Variants in GARRE1 observed in about 807,000 individuals in gnomAD.
GARRE1 encodes the protein granule associated Rac and RHOG effector protein 1.
In GARRE1, 49 loss-of-function variants were observed where a neutral mutation model predicts 103.2. That is an observed-to-expected ratio of 0.47 (90% CI 0.38 to 0.60). The LOEUF (loss-of-function observed/expected upper bound fraction) is 0.60, where lower values mean the gene tolerates loss of function less well. Among genes scored for constraint, GARRE1 ranks in the 20% least tolerant of loss-of-function variants. GARRE1 has a pLI of 0.00. For synonymous variants in GARRE1, 505 were observed against 532.8 expected (o/e 0.95, Z 0.72); for missense variants, 1,199 against 1,370.5 (o/e 0.87, Z 1.98).
At chr19:34,320,245 T>C in intron 3 of GARRE1, 129 bp downstream of exon 3, 1 of 803,500 alleles carries the variant, frequency 1.2e-6, no homozygotes, top group East Asian at 2.7e-5. Context: ...ATCATTGGCT[T>C]GTTCATTCAT....
chr19:34,282,152 T>G (rs1286432335), intron 1 of GARRE1, among the ~76,000 whole-genome samples: 1 of 151,506 alleles, frequency 6.6e-6, no homozygotes, highest in African/African-American at 2.4e-5. Context: ...TTGCTTTTGG[T>G]TTTTTTTTCT....
At chr19:34,346,626 CT>C (rs1360511045) in intron 10 of GARRE1, among the ~76,000 whole-genome samples, 2 of 152,030 alleles carry the variant, frequency 1.3e-5, no homozygotes, top group African/African-American at 4.8e-5. Flanking sequence ...AGACAATGGA[CT>C]TTTTTTGAGT....
chr19:34,304,669 C>T (rs867062563), intron 2 of GARRE1, among the ~76,000 whole-genome samples: 6 of 152,088 alleles, frequency 3.9e-5, no homozygotes, highest in African/African-American at 7.2e-5. Context: ...TTAGCCACCA[C>T]GCCCAGCCAT....
At chr19:34,349,954 G>A (rs1378675689) in intron 12 of GARRE1, among the ~76,000 whole-genome samples, 1 of 152,202 alleles carries the variant, frequency 6.6e-6, no homozygotes, top group East Asian at 1.9e-4. Context: ...AGCTACTCGG[G>A]AGGCTGAGGT....
At chr19:34,255,578 TTACAG>T (rs1342822661) in intron 1 of GARRE1, among the ~76,000 whole-genome samples, 2 of 152,172 alleles carry the variant, frequency 1.3e-5, no homozygotes, top group Non-Finnish European at 2.9e-5. Context: ...TTTATGGACT[TTACAG>T]TATGTGATTT....
intron 1 of GARRE1, among the ~76,000 whole-genome samples, chr19:34,284,127 C>CTT (rs10608784): frequency 1.3e-3 from 92 of 73,406 alleles, no homozygotes; most frequent in East Asian, 3.4e-3. Context: ...GCCCGGCTTT[C>CTT]TTTTTTTTTT....
At chr19:34,279,841 C>T (rs1013420243) in intron 1 of GARRE1, among the ~76,000 whole-genome samples, 13 of 151,246 alleles carry the variant, frequency 8.6e-5, no homozygotes, top group African/African-American at 1.9e-4. Context: ...AAAAATTAGC[C>T]GGGCGTAGTG....
chr19:34,257,507 A>T (rs201111252), intron 1 of GARRE1, among the ~76,000 whole-genome samples: 4 of 151,406 alleles, frequency 2.6e-5, no homozygotes, highest in Admixed American at 6.6e-5. Flanking sequence ...CTGGCTAATC[A>T]CTCTTTTTTC....
intron 3 of GARRE1, among the ~76,000 whole-genome samples, chr19:34,327,084 G>A (rs968100114): frequency 6.6e-6 from 1 of 151,982 alleles, no homozygotes; most frequent in African/African-American, 2.4e-5. Flanking sequence ...GAACTCGGGA[G>A]GCGGAGGTTG....
intron 1 of GARRE1, among the ~76,000 whole-genome samples, chr19:34,260,716 A>G (rs750899076): frequency 1.5e-4 from 23 of 152,382 alleles, no homozygotes; most frequent in Middle Eastern, 3.4e-3. Context: ...TGTCATACAC[A>G]TTAGCTATCT....
intron 2 of GARRE1, among the ~76,000 whole-genome samples, chr19:34,319,160 T>A (rs1295488199): frequency 6.6e-6 from 1 of 152,214 alleles, no homozygotes; most frequent in Non-Finnish European, 1.5e-5. Flanking sequence ...CAATCATATC[T>A]GAAAATGTTT....
At position 34,302,816 on chromosome 19, in the gene GARRE1, C is replaced by T. The variant is rs187476870; in HGVS notation, c.495+1848C>T. On this transcript the variant is annotated intron_variant, in intron 2 of 13. Transcript: ENST00000299505. Reference sequence around the variant, plus strand: ...CTGAAGTGCAGTGGCACTATCTCGGCTCACTGCAACCTCTGCCTCCTGGGT... The same window carrying T: ...CTGAAGTGCAGTGGCACTATCTCGGTTCACTGCAACCTCTGCCTCCTGGGT... Among the ~76,000 whole-genome samples, 123 of 149,678 alleles carry T rather than the reference C, an allele frequency of 8.2e-4. 1 individual carries two copies. In the South Asian group the frequency reaches 0.012, roughly 15 times the overall value.
intron 1 of GARRE1, among the ~76,000 whole-genome samples, chr19:34,283,466 T>C (rs1485245850): frequency 6.6e-6 from 1 of 152,210 alleles, no homozygotes; most frequent in Admixed American, 6.6e-5. Context: ...GGAATGATAA[T>C]ATCATCATCA....
At chr19:34,293,744 A>ACACACG (rs71165642) in intron 1 of GARRE1, among the ~76,000 whole-genome samples, 1 of 121,082 alleles carries the variant, frequency 8.3e-6, no homozygotes, top group African/African-American at 3.4e-5. Context: ...ACACACACAC[A>ACACACG]TATTTCTTTT....
Position 34,327,893 on chromosome 19 carries a change from G to C in GARRE1, c.942+27G>C, listed in dbSNP as rs779104776. The C allele has an allele frequency of 2.5e-6, 4 of 1,613,348 alleles. No individual in the cohort carries two copies. The Admixed American group carries it at 6.7e-5, about 27-fold the overall frequency. On this transcript the variant is annotated intron_variant, in intron 5 of 13. Coordinates refer to ENST00000299505, the MANE Select transcript of GARRE1 (RefSeq NM_014686.5). ...TACACTTTTCCTTCCTAAAGCTCTG[G>C]GGACCTATGGCGCTGCTCCTGCAGT...
chr19:34,290,874 C>CTTTTTTTTTTTTTT (rs71165641), intron 1 of GARRE1, among the ~76,000 whole-genome samples: 1 of 63,214 alleles, frequency 1.6e-5, no homozygotes, highest in Non-Finnish European at 2.8e-5. Flanking sequence ...AAGCATATTG[C>CTTTTTTTTTTTTTT]TTTTTTTTTT....
At position 34,341,828 on chromosome 19, in the gene GARRE1, G is replaced by A. The variant is rs766930709; in HGVS notation, c.1894G>A (p.Gly632Ser). The A allele has an allele frequency of 3.2e-5, 52 of 1,614,066 alleles. No individual in the cohort carries two copies. The Middle Eastern group carries it at 4.9e-4, about 15-fold the overall frequency. The change falls in exon 10 of 14, where the codon GGC becomes AGC. Residue 632 changes from glycine to serine, a missense_variant. Coordinates refer to ENST00000299505, the MANE Select transcript of GARRE1 (RefSeq NM_014686.5). ...RRENFLHGDD[G>S]KDEKGMNLPT... is the part of the protein sequence containing the mutation. ...TGAGAACTTCCTGCATGGAGATGAC[G>A]GCAAGGATGAGAAGGGTATGAACTT...
chr19:34,317,506 G>A (rs1418513794), intron 2 of GARRE1, among the ~76,000 whole-genome samples: 2 of 152,152 alleles, frequency 1.3e-5, no homozygotes, highest in Non-Finnish European at 1.5e-5. Context: ...CTGAGGAGCC[G>A]GCTCACTCCC....
chr19:34,331,120 C>T (rs540176909), intron 7 of GARRE1, among the ~76,000 whole-genome samples: 4 of 151,696 alleles, frequency 2.6e-5, no homozygotes, highest in Admixed American at 6.6e-5. Flanking sequence ...AGGCTGGTCT[C>T]GAACTCCTGA....
Sources: allele counts gnomAD v4.1 joint callset (sites outside exome capture counted in the v4.1 genomes callset), GRCh38; gene constraint gnomAD v4.1.1; transcripts MANE v1.5; gene names NCBI Gene and HGNC (gene_info 2026-07-23, HGNC 2026-07-21).